Variants in ADGRD1 observed in about 807,000 individuals in gnomAD.
The protein encoded by ADGRD1 is adhesion G protein-coupled receptor D1.
Under a neutral mutation model 113.4 loss-of-function variants are expected in ADGRD1, and 77 were observed. The observed-to-expected ratio is 0.68, with a 90% CI of 0.57 to 0.82. The LOEUF (loss-of-function observed/expected upper bound fraction) is 0.82, where lower values mean the gene tolerates loss of function less well. Ranked by LOEUF, ADGRD1 falls within the 40% of genes least tolerant of loss-of-function variation. The pLI is 0.00. For synonymous variants in ADGRD1, 474 were observed against 475.0 expected, an observed-to-expected ratio of 1.00 and a Z score of 0.03; for missense variants, 1,036 against 1,139.1, an observed-to-expected ratio of 0.91 and a Z score of 1.30.
At chr12:131,097,832 C>T (rs1438218299) in intron 15 of ADGRD1, among the ~76,000 whole-genome samples, 1 of 152,206 alleles carries the variant, frequency 6.6e-6, no homozygotes, top group Non-Finnish European at 1.5e-5. Flanking sequence ...GAGTGTGGAC[C>T]TAGCCCGGAG....
At chr12:131,047,936 C>T (rs1275458648) in intron 13 of ADGRD1, among the ~76,000 whole-genome samples, 2 of 152,226 alleles carry the variant, frequency 1.3e-5, no homozygotes, top group South Asian at 4.1e-4. Context: ...GCCCCTTCTC[C>T]TCCAAGCCCA....
At chr12:131,102,509 C>T (rs1230081269) in intron 15 of ADGRD1, among the ~76,000 whole-genome samples, 1 of 152,214 alleles carries the variant, frequency 6.6e-6, no homozygotes, top group East Asian at 1.9e-4. Context: ...AGCCTCGGGC[C>T]CCCGGGAGGC....
chr12:131,082,146 T>A (rs1886119817), intron 14 of ADGRD1, among the ~76,000 whole-genome samples: 1 of 152,194 alleles, frequency 6.6e-6, no homozygotes, highest in Non-Finnish European at 1.5e-5. Context: ...ATTCAATGTG[T>A]CTTCCATCCT....
rs141119978 is a variant in ADGRD1 at position 130,972,608 on chromosome 12, T to C, written c.310+1028T>C. Among the ~76,000 whole-genome samples, 1,011 of 152,250 alleles carry C rather than the reference T, an allele frequency of 6.6e-3. 1 individual carries two copies. Among genetic ancestry groups the C allele is most frequent in the South Asian group, 0.02 (98 of 4,808 alleles). ...CAGCTCCATAAACATCCCAGGCTTATTTATTTTTACAAAGTAAAAAACAAC... is the reference window on the plus strand; with the variant it reads ...CAGCTCCATAAACATCCCAGGCTTACTTATTTTTACAAAGTAAAAAACAAC... On this transcript the variant is annotated intron_variant, in intron 4 of 24. Transcript: ENST00000261654.
Position 131,108,726 on chromosome 12 carries a change from C to T in ADGRD1, c.1890C>T (p.Thr630=), listed in dbSNP as rs1366149546. ...LISFRLEPGT[T]PCQVMAVLLH... ...TCCCATCTCTGGTTAAATCCTAGAC[C>T]CCCTGCCAAGTGATGGCCGTGCTCC... is the stretch of plus-strand genomic sequence containing the variant. Residue 630 remains threonine, a splice_region_variant and synonymous_variant, in exon 18 of 25, where the codon ACC becomes ACT. Coordinates refer to ENST00000261654, the MANE Select transcript of ADGRD1 (RefSeq NM_198827.5). The T allele has an allele frequency of 4.3e-6, 7 of 1,614,014 alleles. No homozygotes were observed. Among genetic ancestry groups the T allele is most frequent in the African/African-American group, 2.7e-5 (2 of 74,924 alleles).
intron 13 of ADGRD1, among the ~76,000 whole-genome samples, chr12:131,065,216 G>A (rs1360106776): frequency 6.6e-6 from 1 of 152,208 alleles, no homozygotes; most frequent in African/African-American, 2.4e-5. Flanking sequence ...TCTGTACCAG[G>A]TGAGTGGCTC....
At chr12:130,991,113 G>T (rs747881953) in intron 7 of ADGRD1, 35 bp downstream of exon 7, 8 of 1,574,314 alleles carry the variant, frequency 5.1e-6, no homozygotes, top group Non-Finnish European at 5.2e-6. Context: ...CCCCCTTGCT[G>T]ATGTTCTTCT....
rs374041948 is a variant in ADGRD1, at chr12:131,103,053, G to A, written c.1672-1778G>A. 9.2e-5 allele frequency among the ~76,000 whole-genome samples: 14 copies of A among 152,342 alleles called. No homozygotes were observed. The East Asian group carries it at 2.1e-3, about 23-fold the overall frequency. On this transcript the variant is annotated intron_variant, in intron 15 of 24. Coordinates refer to ENST00000261654, the MANE Select transcript of ADGRD1 (RefSeq NM_198827.5). ...GGGATTCTTCCGTCTCCCTGGCCCT[G>A]GCCACGCAGTGCCCACCTTTCCCGT... is the stretch of plus-strand genomic sequence containing the variant.
chr12:131,084,455 T>C lies in ADGRD1; in HGVS notation c.1548-85T>C, dbSNP rs1475931741. ...GCGCCGCCATGAGTTCACGGGGCCA[T>C]GTGTTATGGGGGGTGCTGCTCTCAG... On this transcript the variant is annotated intron_variant, in intron 14 of 24. Transcript: ENST00000261654. The surrounding 1 kb of genome is among the most constrained non-coding windows in gnomAD (Gnocchi z 4.5). The C allele has an allele frequency of 1.1e-5, 16 of 1,443,090 alleles. No homozygotes were observed. In the East Asian group the frequency reaches 3.2e-4, roughly 29 times the overall value. The allele number at this position is 1,443,090 out of a possible 1,614,324, so 89.4% of individuals were successfully genotyped here. A position where few individuals can be genotyped will look rare whatever the true frequency, so the allele number is the denominator to read the frequency against.
Position 131,037,596 on chromosome 12 carries a change from C to A in ADGRD1, c.1473+23256C>A, listed in dbSNP as rs374014623. On this transcript the variant is annotated intron_variant, in intron 13 of 24. Transcript: ENST00000261654. ...ATCTTACTGCATGGGGCCGCACTCA[C>A]TGCACCGGGTCTCACTCACTGCACC... Among the ~76,000 whole-genome samples the A allele has an allele frequency of 4.3e-3, 82 of 19,034 alleles. 1 individual carries two copies. The highest frequency in any genetic ancestry group is 8.6e-3 in the East Asian group (9 of 1,052). The allele number at this position is 19,034 out of a possible 152,430, so 12.5% of individuals were successfully genotyped here.
intron 12 of ADGRD1, among the ~76,000 whole-genome samples, chr12:131,011,098 CCCCTGCCCCA>C (rs1403051825): frequency 7.6e-6 from 1 of 132,118 alleles, no homozygotes; most frequent in Admixed American, 7.6e-5. Context: ...CCCCACCTCA[CCCCTGCCCCA>C]CCCTGCCCCA....
chr12:131,132,573 G>A (rs923831602), intron 21 of ADGRD1, among the ~76,000 whole-genome samples: 5 of 152,232 alleles, frequency 3.3e-5, no homozygotes, highest in Non-Finnish European at 7.3e-5. Context: ...GCTTCAGGCC[G>A]AGGTCGACTC....
At chr12:131,124,114 C>T (rs539257469) in intron 20 of ADGRD1, among the ~76,000 whole-genome samples, 50 of 152,314 alleles carry the variant, frequency 3.3e-4, no homozygotes, top group African/African-American at 1.1e-3. Context: ...CGGGGAGTGC[C>T]GTGGAGGGGA....
chr12:131,039,750 C>T lies in ADGRD1; in HGVS notation c.1473+25410C>T, dbSNP rs375707220. Among the ~76,000 whole-genome samples the T allele has an allele frequency of 1.9e-3, 293 of 152,368 alleles. 2 individuals are homozygous for T. The highest frequency in any genetic ancestry group is 6.8e-3 in the African/African-American group (281 of 41,600). On this transcript the variant is annotated intron_variant, in intron 13 of 24. Coordinates refer to ENST00000261654, the MANE Select transcript of ADGRD1 (RefSeq NM_198827.5). ...GCCCCTGCCGCTAAGCCCAGGCTCA[C>T]GCTGGGAAAGGGCCCAGACTCAGCT...
intron 13 of ADGRD1, among the ~76,000 whole-genome samples, chr12:131,073,384 T>C (rs186584635): frequency 1.3e-5 from 2 of 152,344 alleles, no homozygotes; most frequent in East Asian, 3.9e-4. Context: ...AGTTGTGAGA[T>C]GGGCTGGAGA....
At chr12:131,110,771 G>T (rs1421826505) in intron 18 of ADGRD1, among the ~76,000 whole-genome samples, 1 of 152,160 alleles carries the variant, frequency 6.6e-6, no homozygotes, top group Non-Finnish European at 1.5e-5. Flanking sequence ...TTTGCTTTCA[G>T]CCTGGAGAAC....
At chr12:131,061,326 G>T (rs1212561005) in intron 13 of ADGRD1, among the ~76,000 whole-genome samples, 1 of 152,176 alleles carries the variant, frequency 6.6e-6, no homozygotes, top group African/African-American at 2.4e-5. Context: ...GTAGCCAGCT[G>T]TCACCTGCCG....
intron 9 of ADGRD1, among the ~76,000 whole-genome samples, chr12:131,001,095 T>C (rs1241858342): frequency 6.6e-6 from 1 of 152,176 alleles, no homozygotes; most frequent in Non-Finnish European, 1.5e-5. Context: ...TTTTTTTTTC[T>C]TTACCATCCC....
chr12:131,034,278 C>T (rs111369745), intron 13 of ADGRD1, among the ~76,000 whole-genome samples: 3 of 152,194 alleles, frequency 2.0e-5, no homozygotes, highest in Non-Finnish European at 2.9e-5. Flanking sequence ...CAAGTGCATT[C>T]CCACCCCAGG....
Sources: allele counts gnomAD v4.1 joint callset (sites outside exome capture counted in the v4.1 genomes callset), GRCh38; gene constraint gnomAD v4.1.1; non-coding constraint Gnocchi (gnomAD v3.1); transcripts MANE v1.5; gene names NCBI Gene and HGNC (gene_info 2026-07-23, HGNC 2026-07-21).